Variants in MDM2 observed in about 807,000 individuals in gnomAD.
The protein encoded by MDM2 is MDM2 proto-oncogene.
In MDM2, 11 loss-of-function variants were observed where a neutral mutation model predicts 64.3. The observed-to-expected ratio is 0.17, with a 90% CI of 0.11 to 0.28. The LOEUF is 0.28. Ranked by LOEUF, MDM2 falls within the 10% of genes least tolerant of loss-of-function variation. The probability of loss-of-function intolerance (pLI) is 1.00; values close to 1 mark genes in which losing one functional copy is unlikely to be tolerated. For missense variants in MDM2, 388 were observed against 577.1 expected, an observed-to-expected ratio of 0.67 and a Z score of 3.36; for synonymous variants, 194 against 192.9, an observed-to-expected ratio of 1.01 and a Z score of -0.05.
Position 68,820,308 on chromosome 12 carries a change from T to C in MDM2, c.309-17T>C. On this transcript the variant is annotated splice_polypyrimidine_tract_variant and intron_variant, in intron 4 of 10. Transcript: ENST00000258149. ...AAATGTACATCTCTTGTTATTTTTT[T>C]TTTTTCTGTCTACAAGGAAAATATA... 6.4e-7 allele frequency: 1 copy of C among 1,558,210 alleles called. No individual in the cohort carries two copies. Among genetic ancestry groups the C allele is most frequent in the South Asian group, 1.2e-5 (1 of 85,142 alleles).
rs946807109 is a variant in MDM2, at chr12:68,842,923, G to A, written c.*3074G>A. ...TTAATTGTTCTGACAGATAGTTGGGGATGAGAGCCGAATAAGGTTTGCCTG... is the reference window on the plus strand; with the variant it reads ...TTAATTGTTCTGACAGATAGTTGGGAATGAGAGCCGAATAAGGTTTGCCTG... On this transcript the variant is annotated 3_prime_UTR_variant, in exon 11 of 11. Coordinates refer to ENST00000258149, the MANE Select transcript of MDM2 (RefSeq NM_002392.6). 1.4e-5 allele frequency: 3 copies of A among 209,154 alleles called. No individual in the cohort carries two copies. Among genetic ancestry groups the A allele is most frequent in the African/African-American group, 4.6e-5 (2 of 43,922 alleles). 13.0% of individuals were successfully genotyped at this position (209,154 alleles called of 1,614,324 possible).
chr12:68,816,725 C>T, intron 3 of MDM2, 87 bp from the exon 4 acceptor site: 1 of 1,163,828 alleles, frequency 8.6e-7, no homozygotes, highest in Non-Finnish European at 1.2e-6. Context: ...TTGTTTACCC[C>T]TATTCAGATA....
intron 1 of MDM2, chr12:68,808,849 T>G: frequency 6.5e-6 from 6 of 922,762 alleles, no homozygotes; most frequent in Non-Finnish European, 7.8e-6. Flanking sequence ...GTCACTAGTG[T>G]GAACGCTGCG....
At chr12:68,820,409 T>C (rs1450520196) in intron 5 of MDM2, 35 bp downstream of exon 5, 7 of 1,524,640 alleles carry the variant, frequency 4.6e-6, no homozygotes, top group Non-Finnish European at 6.3e-6. Context: ...ATAAATACCA[T>C]AAAAACGTTT....
In MDM2 at chr12:68,819,060, G is replaced by C. The variant is rs139215794; in HGVS notation, c.309-1265G>C. Among the ~76,000 whole-genome samples the C allele has an allele frequency of 8.5e-5, 13 of 152,196 alleles. No homozygotes were observed. In the East Asian group the frequency reaches 2.5e-3, roughly 29 times the overall value. ...ATATTGAATCTTCGGATAATGTTTG[G>C]AAGTATGATTTCCTTGGACTTGAAT... is the stretch of plus-strand genomic sequence containing the variant. On this transcript the variant is annotated intron_variant, in intron 4 of 10. Transcript: ENST00000258149.
At chr12:68,818,604 ATTAT>A (rs1362098000) in intron 4 of MDM2, among the ~76,000 whole-genome samples, 1 of 148,490 alleles carries the variant, frequency 6.7e-6, no homozygotes, top group African/African-American at 2.4e-5. Flanking sequence ...ATGTATAATT[ATTAT>A]TTTTTATTGA....
intron 3 of MDM2, among the ~76,000 whole-genome samples, chr12:68,814,931 C>G (rs570351913): frequency 6.6e-6 from 1 of 152,286 alleles, no homozygotes; most frequent in African/African-American, 2.4e-5. Context: ...GAAGAGCTTC[C>G]ATTTTTCTTT....
At chr12:68,817,034 A>C in intron 4 of MDM2, 89 bp downstream of exon 4, 1 of 1,462,174 alleles carries the variant, frequency 6.8e-7, no homozygotes. Context: ...TCAGAGAAAA[A>C]CTGTTGAAAC....
chr12:68,844,000 A>G lies in MDM2; in HGVS notation c.*4151A>G, dbSNP rs1884043322. 1 of 207,566 alleles carries G rather than the reference A, an allele frequency of 4.8e-6. No homozygotes were observed. Among genetic ancestry groups the G allele is most frequent in the Non-Finnish European group, 9.8e-6 (1 of 102,070 alleles). The allele number at this position is 207,566 out of a possible 1,614,324, so 12.9% of individuals were successfully genotyped here. A position where few individuals can be genotyped will look rare whatever the true frequency, so the allele number is the denominator to read the frequency against. ...ACCAAGCAGAATCTGTTTTTTTCTG[A>G]GGAGTATCGGTAGCATAAATGTGAT... On this transcript the variant is annotated 3_prime_UTR_variant, in exon 11 of 11. Transcript: ENST00000258149.
chr12:68,828,697 C>A, intron 7 of MDM2, 74 bp from the exon 8 acceptor site: 2 of 1,325,632 alleles, frequency 1.5e-6, no homozygotes, highest in South Asian at 1.3e-5. Flanking sequence ...AGTTTCTGTA[C>A]AAATAGGTAC....
rs796247513 is a variant in MDM2, at chr12:68,817,003, C to T, written c.308+58C>T. 3.7e-5 allele frequency: 57 copies of T among 1,557,892 alleles called. No homozygotes were observed. In the African/African-American group the frequency reaches 6.5e-4, roughly 18 times the overall value. On this transcript the variant is annotated intron_variant, in intron 4 of 10. Coordinates refer to ENST00000258149, the MANE Select transcript of MDM2 (RefSeq NM_002392.6). ...CATCTGGGCTAACATTTCAGTTCAC[C>T]TCTACCCTCATTCACTTTTGTCAGA... is the stretch of plus-strand genomic sequence containing the variant.
At position 68,817,567 on chromosome 12, in the gene MDM2, T is replaced by C. The variant is rs540530073; in HGVS notation, c.308+622T>C. ...GAGTTGGAGACCAGCCTGACCAACA[T>C]GGAGAAACCCTGTCTCTACTAAAAA... On this transcript the variant is annotated intron_variant, in intron 4 of 10. Coordinates refer to ENST00000258149, the MANE Select transcript of MDM2 (RefSeq NM_002392.6). Among the ~76,000 whole-genome samples, 5 of 151,962 alleles carry C rather than the reference T, an allele frequency of 3.3e-5. No individual in the cohort carries two copies. In the South Asian group the frequency reaches 1.0e-3, roughly 32 times the overall value.
Position 68,823,880 on chromosome 12 carries a change from C to T in MDM2, c.359-483C>T, listed in dbSNP as rs375518431. Among the ~76,000 whole-genome samples the T allele has an allele frequency of 5.9e-5, 9 of 152,266 alleles. No homozygotes were observed. In the East Asian group the frequency reaches 9.6e-4, roughly 16 times the overall value. ...CAGCATGAGTCCTGCTTTGGCTAGA[C>T]CACAGGATCCTTTACAGTCTGAACC... On this transcript the variant is annotated intron_variant, in intron 5 of 10. Coordinates refer to ENST00000258149, the MANE Select transcript of MDM2 (RefSeq NM_002392.6).
intron 4 of MDM2, among the ~76,000 whole-genome samples, chr12:68,817,546 T>G (rs1039025986): frequency 2.0e-5 from 3 of 152,002 alleles, no homozygotes; most frequent in African/African-American, 7.2e-5. Context: ...GGTTGGGAGT[T>G]GGAGACCAGC....
rs906537700 is a variant in MDM2 at position 68,842,557 on chromosome 12, G to A, written c.*2708G>A. ...AAACAGATAATATGGATGTTTGATCGCATCTCATTGTTAACTCTTTACTGA... is the reference window on the plus strand; with the variant it reads ...AAACAGATAATATGGATGTTTGATCACATCTCATTGTTAACTCTTTACTGA... On this transcript the variant is annotated 3_prime_UTR_variant, in exon 11 of 11. Coordinates refer to ENST00000258149, the MANE Select transcript of MDM2 (RefSeq NM_002392.6). 15 of 344,524 alleles carry A rather than the reference G, an allele frequency of 4.4e-5. No homozygotes were observed. The highest frequency in any genetic ancestry group is 2.5e-4 in the African/African-American group (12 of 47,342). The allele number at this position is 344,524 out of a possible 1,614,324, so 21.3% of individuals were successfully genotyped here.
Position 68,839,420 on chromosome 12 carries a change from C to T in MDM2, c.1065C>T (p.Asn355=). ...GEISEKAKLE[N]STQAEEGFDV... ...TCTCTGAGAAAGCCAAACTGGAAAACTCAACACAAGCTGAAGAGGGCTTTG... is the reference window on the plus strand; with the variant it reads ...TCTCTGAGAAAGCCAAACTGGAAAATTCAACACAAGCTGAAGAGGGCTTTG... The change falls in exon 11 of 11, where the codon AAC becomes AAT. Residue 355 remains asparagine, a synonymous_variant. Transcript: ENST00000258149. 2 of 1,613,738 alleles carry T rather than the reference C, an allele frequency of 1.2e-6. No homozygotes were observed. Among genetic ancestry groups the T allele is most frequent in the South Asian group, 1.1e-5 (1 of 91,068 alleles).
At chr12:68,836,524 C>G in intron 9 of MDM2, 148 bp from the exon 10 acceptor site, 1 of 610,686 alleles carries the variant, frequency 1.6e-6, no homozygotes, top group Non-Finnish European at 3.0e-6. Context: ...ATTTTTTCCC[C>G]CTTTACACTC....
Position 68,843,909 on chromosome 12 carries a change from TAGA to T in MDM2, c.*4062_*4064del, listed in dbSNP as rs1390842692. On this transcript the variant is annotated 3_prime_UTR_variant, in exon 11 of 11. Coordinates refer to ENST00000258149, the MANE Select transcript of MDM2 (RefSeq NM_002392.6). Reference sequence around the variant, plus strand: ...TGATAATATTTCAGCTAGAACCTAGTAGAATCTGTTTTTTTCCTTTGGAGGTCC... The same window carrying T: ...TGATAATATTTCAGCTAGAACCTAGTATCTGTTTTTTTCCTTTGGAGGTCC... The T allele has an allele frequency of 6.1e-5, 13 of 213,218 alleles. No homozygotes were observed. In the East Asian group the frequency reaches 9.2e-4, roughly 15 times the overall value. 13.2% of individuals were successfully genotyped at this position (213,218 alleles called of 1,614,324 possible). A position where few individuals can be genotyped will look rare whatever the true frequency, so the allele number is the denominator to read the frequency against.
intron 3 of MDM2, among the ~76,000 whole-genome samples, chr12:68,815,433 C>CTT (rs58178593): frequency 0.28 from 26,335 of 92,924 alleles, 4,362 homozygotes; most frequent in Non-Finnish European, 0.38. Flanking sequence ...GTTTCTTCTT[C>CTT]TTTTTTTTTT....
Sources: allele counts gnomAD v4.1 joint callset (sites outside exome capture counted in the v4.1 genomes callset), GRCh38; gene constraint gnomAD v4.1.1; transcripts MANE v1.5; gene names NCBI Gene and HGNC (gene_info 2026-07-23, HGNC 2026-07-21).